Variants in RECK observed in about 807,000 individuals in gnomAD.
RECK encodes the protein reversion-inducing cysteine-rich protein with Kazal motifs.
Under a neutral mutation model 115.1 loss-of-function variants are expected in RECK, and 69 were observed. The ratio of observed to expected loss-of-function variants is 0.60; its 90% confidence interval spans 0.49 to 0.73. The LOEUF (loss-of-function observed/expected upper bound fraction) is 0.73, where lower values mean the gene tolerates loss of function less well. Ranked by LOEUF, RECK falls within the 30% of genes least tolerant of loss-of-function variation. The pLI is 0.00. For synonymous variants in RECK, 414 were observed against 419.7 expected, an observed-to-expected ratio of 0.99 and a Z score of 0.17; for missense variants, 1,047 against 1,203.7, an observed-to-expected ratio of 0.87 and a Z score of 1.93.
chr9:36,091,943 T>C (rs1215474568), intron 10 of RECK, among the ~76,000 whole-genome samples: 5 of 152,112 alleles, frequency 3.3e-5, no homozygotes, highest in Non-Finnish European at 7.4e-5. Flanking sequence ...AGAGAGTTAC[T>C]AAAGAAGAGG....
chr9:36,122,750 C>T (rs878863518), intron 20 of RECK, 74 bp from the exon 21 acceptor site: 102 of 1,188,968 alleles, frequency 8.6e-5, no homozygotes, highest in Middle Eastern at 3.9e-4. Flanking sequence ...TTAGGATATA[C>T]GTGGAATTTG....
intron 17 of RECK, 70 bp from the exon 18 acceptor site, chr9:36,118,687 C>A: frequency 7.1e-7 from 1 of 1,411,102 alleles, no homozygotes; most frequent in Non-Finnish European, 9.8e-7. Context: ...GGGAGGCATG[C>A]TGTGTACTCT....
At chr9:36,108,633 C>T (rs1487698902) in intron 14 of RECK, among the ~76,000 whole-genome samples, 1 of 152,072 alleles carries the variant, frequency 6.6e-6, no homozygotes, top group Non-Finnish European at 1.5e-5. Context: ...CCGACCCTTT[C>T]TTCAGGCATA....
At chr9:36,044,711 A>G (rs1237397091) in intron 1 of RECK, among the ~76,000 whole-genome samples, 1 of 152,212 alleles carries the variant, frequency 6.6e-6, no homozygotes, top group African/African-American at 2.4e-5. Flanking sequence ...GTTGGAGAAG[A>G]AAGGCTTACT....
At chr9:36,079,662 C>T (rs1822601711) in intron 6 of RECK, among the ~76,000 whole-genome samples, 1 of 152,114 alleles carries the variant, frequency 6.6e-6, no homozygotes. Flanking sequence ...AATATGGCTG[C>T]AATTAAAAGC....
At chr9:36,065,550 T>C in intron 5 of RECK, 27 bp from the exon 6 acceptor site, 13 of 1,567,118 alleles carry the variant, frequency 8.3e-6, no homozygotes, top group Non-Finnish European at 1.1e-5. Context: ...GTATAATAAA[T>C]TAATGGAGAA....
chr9:36,110,809 C>T (rs10758344), intron 15 of RECK, among the ~76,000 whole-genome samples: 7,996 of 147,022 alleles, frequency 0.054, 343 homozygotes, highest in South Asian at 0.18. Context: ...GGGTGGGGGC[C>T]GGGTGGAGGA....
In RECK at chr9:36,037,087, C is replaced by A; in HGVS notation, c.89C>A (p.Pro30Gln). 1 of 1,353,594 alleles carries A rather than the reference C, an allele frequency of 7.4e-7. No homozygotes were observed. The allele number at this position is 1,353,594 out of a possible 1,614,324, so 83.8% of individuals were successfully genotyped here. A position where few individuals can be genotyped will look rare whatever the true frequency, so the allele number is the denominator to read the frequency against. The change falls in exon 1 of 21, where the codon CCG (proline) becomes CAG (glutamine). Residue 30 changes from proline to glutamine, a missense_variant. Coordinates refer to ENST00000377966, the MANE Select transcript of RECK (RefSeq NM_021111.3). ...GVAEVAGGLA[P>Q]GSAGALCCNH... ...GCGGAGGTGGCAGGGGGCCTGGCTC[C>A]GGGCAGTGCGGGTGAGTAACCTCCA...
chr9:36,043,301 C>T (rs1292330696), intron 1 of RECK, among the ~76,000 whole-genome samples: 2 of 150,650 alleles, frequency 1.3e-5, no homozygotes, highest in Non-Finnish European at 3.0e-5. Context: ...CTCGGCCTCC[C>T]AAAGTGCTGG....
chr9:36,041,287 G>C (rs960960851), intron 1 of RECK, among the ~76,000 whole-genome samples: 4 of 152,170 alleles, frequency 2.6e-5, no homozygotes, highest in Admixed American at 2.0e-4. Flanking sequence ...ATGCTGTAAA[G>C]CACATAGGTA....
intron 1 of RECK, among the ~76,000 whole-genome samples, chr9:36,040,916 G>A (rs1210584035): frequency 1.3e-5 from 2 of 152,066 alleles, no homozygotes; most frequent in Admixed American, 6.5e-5. Flanking sequence ...GGTAAGGAAA[G>A]GAGAGAATAA....
rs1160809256 is a variant in RECK at position 36,080,718 on chromosome 9, C to T, written c.439+80C>T. Reference sequence around the variant, plus strand: ...TGAAGCAATGTGCACAGCAGGATTCCGATAGGCTCTTTCCCATGGTGTATT... The same window carrying T: ...TGAAGCAATGTGCACAGCAGGATTCTGATAGGCTCTTTCCCATGGTGTATT... On this transcript the variant is annotated intron_variant, in intron 7 of 20. Coordinates refer to ENST00000377966, the MANE Select transcript of RECK (RefSeq NM_021111.3). 13 of 1,251,652 alleles carry T rather than the reference C, an allele frequency of 1.0e-5. No individual in the cohort carries two copies. In the Middle Eastern group the frequency reaches 5.6e-4, roughly 54 times the overall value. 77.5% of individuals were successfully genotyped at this position (1,251,652 alleles called of 1,614,324 possible). A position where few individuals can be genotyped will look rare whatever the true frequency, so the allele number is the denominator to read the frequency against.
chr9:36,091,944 A>G (rs1045189415), intron 10 of RECK, among the ~76,000 whole-genome samples: 1 of 152,234 alleles, frequency 6.6e-6, no homozygotes, highest in Non-Finnish European at 1.5e-5. Context: ...GAGAGTTACT[A>G]AAGAAGAGGT....
chr9:36,118,911 C>G lies in RECK; in HGVS notation c.2408C>G (p.Ala803Gly). 1.2e-6 allele frequency: 2 copies of G among 1,613,646 alleles called. No individual in the cohort carries two copies. Among genetic ancestry groups the G allele is most frequent in the Non-Finnish European group, 1.7e-6 (2 of 1,180,034 alleles). The change falls in exon 18 of 21, where the codon GCT becomes GGT. Residue 803 changes from alanine (A) to glycine (G), a missense_variant. By Grantham distance (60) the Ala-to-Gly change is moderately conservative. Transcript: ENST00000377966. ...LSEHSSVAEC[A>G]SVKCPSLLAA... ...GAGCACAGCTCCGTCGCCGAGTGTG[C>G]TTCTGTCAAGTGTCCTTCGCTCTTG...
At chr9:36,072,708 TGAGCTCCAAAAA>T (rs1822280189) in intron 6 of RECK, 1 of 152,232 alleles carries the variant, frequency 6.6e-6, no homozygotes, top group Admixed American at 6.5e-5. Flanking sequence ...CTGCAGCTGA[TGAGCTCCAAAAA>T]GAGCGAAACC....
chr9:36,048,126 A>AATATATATAT (rs56726335), intron 1 of RECK, among the ~76,000 whole-genome samples: 1,755 of 115,072 alleles, frequency 0.015, 77 homozygotes, highest in African/African-American at 0.046. Flanking sequence ...ACACAGGTTG[A>AATATATATAT]ATATATATAT....
At chr9:36,109,175 A>C (rs1271541270) in intron 14 of RECK, among the ~76,000 whole-genome samples, 1 of 152,134 alleles carries the variant, frequency 6.6e-6, no homozygotes, top group African/African-American at 2.4e-5. Context: ...CATTTCACTG[A>C]CTAAATGCCT....
chr9:36,101,255 T>G (rs1200255922), intron 11 of RECK, among the ~76,000 whole-genome samples: 1 of 152,200 alleles, frequency 6.6e-6, no homozygotes, highest in African/African-American at 2.4e-5. Context: ...CCAGCCGACT[T>G]TGCTCTTCTT....
At chr9:36,081,380 T>G (rs1241972812) in intron 7 of RECK, among the ~76,000 whole-genome samples, 2 of 152,224 alleles carry the variant, frequency 1.3e-5, no homozygotes, top group Non-Finnish European at 2.9e-5. Context: ...TGTAATCTTA[T>G]GTCCTCCCAC....
Sources: allele counts gnomAD v4.1 joint callset (sites outside exome capture counted in the v4.1 genomes callset), GRCh38; gene constraint gnomAD v4.1.1; transcripts MANE v1.5; gene names NCBI Gene and HGNC (gene_info 2026-07-23, HGNC 2026-07-21).